The following HOOK1 variants were observed in gnomAD, a reference collection of about 807,000 sequenced individuals.
HOOK1 encodes the protein hook microtubule tethering protein 1.
A neutral mutation model predicts 112.8 loss-of-function variants in HOOK1; 60 were observed. That is an observed-to-expected ratio of 0.53 (90% CI 0.43 to 0.66). The LOEUF is 0.66. HOOK1 is among the 30% of genes least tolerant of loss of function. The probability of loss-of-function intolerance (pLI) is 0.00; values close to 1 mark genes in which losing one functional copy is unlikely to be tolerated. For synonymous variants in HOOK1, 294 were observed against 283.8 expected (o/e 1.04, Z -0.36); for missense variants, 770 against 856.0 (o/e 0.90, Z 1.25).
At chr1:59,831,040 A>G (rs1269219099) in intron 3 of HOOK1, among the ~76,000 whole-genome samples, 2 of 151,856 alleles carry the variant, frequency 1.3e-5, no homozygotes, top group Non-Finnish European at 2.9e-5. Context: ...AGCTGGGATT[A>G]CAGGTGCCCA....
At chr1:59,864,834 C>T (rs1342046470) in intron 17 of HOOK1, 168 bp downstream of exon 17, 36 of 580,600 alleles carry the variant, frequency 6.2e-5, no homozygotes, top group Admixed American at 7.1e-5. Context: ...CTCCCTACTA[C>T]CCCCGTTCCA....
Position 59,828,141 on chromosome 1 carries a change from A to G in HOOK1, c.150-639A>G, listed in dbSNP as rs1193440510. Among the ~76,000 whole-genome samples, 3 of 152,208 alleles carry G rather than the reference A, an allele frequency of 2.0e-5. No homozygotes were observed. In the East Asian group the frequency reaches 5.8e-4, roughly 29 times the overall value. ...ATAAAGTCTATTAATGTAGTTCACT[A>G]TATATAGTCAAATGTTGTTCTTCAA... is the stretch of plus-strand genomic sequence containing the variant. On this transcript the variant is annotated intron_variant, in intron 2 of 21. Transcript: ENST00000371208.
intron 17 of HOOK1, 24 bp from the exon 18 acceptor site, chr1:59,865,139 C>T (rs1643938132): frequency 7.0e-7 from 1 of 1,436,502 alleles, no homozygotes; most frequent in Admixed American, 1.7e-5. Context: ...AGAGACCAGT[C>T]TCCATGCTTT....
In HOOK1 at chr1:59,866,891, A is replaced by G. The variant is rs765581672; in HGVS notation, c.1845+919A>G. 2.1e-4 allele frequency among the ~76,000 whole-genome samples: 32 copies of G among 152,168 alleles called. 1 individual carries two copies. The highest frequency in any genetic ancestry group is 7.4e-5 in the Non-Finnish European group (5 of 68,024). On this transcript the variant is annotated intron_variant, in intron 19 of 21. Coordinates refer to ENST00000371208, the MANE Select transcript of HOOK1 (RefSeq NM_015888.6). ...AAGACTATAGTCAACATAATTATACAGAAAGCTTTCTCTTTATTTTGGTTT... is the reference window on the plus strand; with the variant it reads ...AAGACTATAGTCAACATAATTATACGGAAAGCTTTCTCTTTATTTTGGTTT...
At chr1:59,817,232 C>T (rs2098382266) in intron 1 of HOOK1, among the ~76,000 whole-genome samples, 2 of 152,224 alleles carry the variant, frequency 1.3e-5, no homozygotes, top group Non-Finnish European at 1.5e-5. Flanking sequence ...CCCTTTCCTT[C>T]ACAGTAAAAT....
chr1:59,835,131 C>T (rs1036014322), intron 5 of HOOK1, among the ~76,000 whole-genome samples: 3 of 152,108 alleles, frequency 2.0e-5, no homozygotes, highest in Admixed American at 6.6e-5. Flanking sequence ...AAGGTACTGA[C>T]TGCAACAATC....
At chr1:59,846,076 C>G (rs1324615558) in intron 9 of HOOK1, among the ~76,000 whole-genome samples, 1 of 151,586 alleles carries the variant, frequency 6.6e-6, no homozygotes, top group Non-Finnish European at 1.5e-5. Flanking sequence ...ATCTTGTGTT[C>G]AGTTTGGTAA....
chr1:59,833,618 C>G, intron 5 of HOOK1, 81 bp downstream of exon 5: 1 of 1,168,530 alleles, frequency 8.6e-7, no homozygotes, highest in Non-Finnish European at 1.1e-6. Context: ...TTAAATCATA[C>G]TATTAAAGCT....
chr1:59,827,004 A>G (rs2098390435), intron 2 of HOOK1, among the ~76,000 whole-genome samples: 1 of 152,090 alleles, frequency 6.6e-6, no homozygotes. Context: ...ACCTCAGGTG[A>G]TCTGGCTGCC....
chr1:59,840,342 T>G lies in HOOK1; in HGVS notation c.572T>G (p.Leu191Arg), dbSNP rs1459441745. ...GCCTTGGAAGAACTTCAGGAAGCAC[T>G]AGCAGAAAAAGAAGAGCTGAGGCAA... is the stretch of plus-strand genomic sequence containing the variant. The part of the protein sequence containing the change: ...KRALEELQEA[L>R]AEKEELRQRC... Residue 191 changes from leucine (L) to arginine (R), a missense_variant, in exon 8 of 22, where the codon CTA (leucine) becomes CGA (arginine). Around this residue, in one of 3 missense-constraint regions of HOOK1, gnomAD observed 655 missense variants for 725.9 expected, o/e 0.90. Transcript: ENST00000371208. The G allele has an allele frequency of 3.1e-6, 5 of 1,599,376 alleles. No individual in the cohort carries two copies. Among genetic ancestry groups the G allele is most frequent in the Non-Finnish European group, 4.3e-6 (5 of 1,173,420 alleles).
rs772324354 is a variant in HOOK1 at position 59,874,700 on chromosome 1, GC to G, written c.*1736del. ...AAAGACAGGCGGTAGGCCAGATTTG[GC>G]TTGCATGCTGTAGAGCTGTGGTCTA... On this transcript the variant is annotated 3_prime_UTR_variant, in exon 22 of 22. Transcript: ENST00000371208. 9.2e-5 allele frequency: 14 copies of G among 152,270 alleles called. No homozygotes were observed. Among genetic ancestry groups the G allele is most frequent in the Non-Finnish European group, 1.8e-4 (12 of 68,006 alleles). The allele number at this position is 152,270 out of a possible 1,614,324, so 9.4% of individuals were successfully genotyped here. A position where few individuals can be genotyped will look rare whatever the true frequency, so the allele number is the denominator to read the frequency against.
At position 59,872,930 on chromosome 1, in the gene HOOK1, C is replaced by T; in HGVS notation, c.2152C>T (p.Leu718Phe). 1 of 1,519,776 alleles carries T rather than the reference C, an allele frequency of 6.6e-7. No individual in the cohort carries two copies. The highest frequency in any genetic ancestry group is 8.9e-7 in the Non-Finnish European group (1 of 1,125,480). The allele number at this position is 1,519,776 out of a possible 1,614,324, so 94.1% of individuals were successfully genotyped here. Residue 718 changes from leucine to phenylalanine, a missense_variant, in exon 22 of 22, where the codon CTC (leucine) becomes TTC (phenylalanine). By Grantham distance (22) the Leu-to-Phe change is conservative. Transcript: ENST00000371208. ...QRHITNTRRN[L>F]SVKVPATTSD ...GCACATCACCAACACCAGAAGAAATCTCTCTGTTAAAGTCCCTGCTACAAC... is the reference window on the plus strand; with the variant it reads ...GCACATCACCAACACCAGAAGAAATTTCTCTGTTAAAGTCCCTGCTACAAC...
At chr1:59,847,230 T>A in intron 10 of HOOK1, 45 bp downstream of exon 10, 1 of 1,480,950 alleles carries the variant, frequency 6.8e-7, no homozygotes, top group East Asian at 2.3e-5. Flanking sequence ...TTCTGAGCTA[T>A]TTAGTCAATT....
intron 1 of HOOK1, among the ~76,000 whole-genome samples, chr1:59,816,444 G>C (rs1012043497): frequency 6.6e-6 from 1 of 152,150 alleles, no homozygotes; most frequent in Non-Finnish European, 1.5e-5. Flanking sequence ...TTAATGATTT[G>C]TTTTGTTAAA....
intron 11 of HOOK1, 142 bp from the exon 12 acceptor site, chr1:59,848,931 C>G: frequency 4.2e-6 from 2 of 473,702 alleles, no homozygotes; most frequent in African/African-American, 2.0e-5. Flanking sequence ...TTATTTTCCA[C>G]AAGTATTTAA....
chr1:59,823,518 C>T (rs1361426829), intron 2 of HOOK1, among the ~76,000 whole-genome samples: 1 of 151,358 alleles, frequency 6.6e-6, no homozygotes, highest in African/African-American at 2.4e-5. Context: ...GGTGTAGATG[C>T]AGCAACATTG....
At chr1:59,861,338 T>C (rs2098413493) in intron 15 of HOOK1, among the ~76,000 whole-genome samples, 1 of 152,228 alleles carries the variant, frequency 6.6e-6, no homozygotes, top group South Asian at 2.1e-4. Context: ...GATTGTGGAA[T>C]CAAATTTAAA....
chr1:59,860,923 G>T (rs938217265), intron 15 of HOOK1, among the ~76,000 whole-genome samples: 2 of 151,890 alleles, frequency 1.3e-5, no homozygotes, highest in Admixed American at 1.3e-4. Context: ...ATAGGCACAC[G>T]CCACTACGCC....
At chr1:59,862,907 G>T (rs770580551) in intron 16 of HOOK1, 30 bp downstream of exon 16, 3 of 1,216,172 alleles carry the variant, frequency 2.5e-6, no homozygotes, top group African/African-American at 3.0e-5. Context: ...TAATAATTCT[G>T]CTGTGTATGG....
Sources: allele counts gnomAD v4.1 joint callset (sites outside exome capture counted in the v4.1 genomes callset), GRCh38; gene constraint gnomAD v4.1.1; regional missense constraint gnomAD v4.1.1; transcripts MANE v1.5; gene names NCBI Gene and HGNC (gene_info 2026-07-23, HGNC 2026-07-21).